Variants in FAM240B observed in about 807,000 individuals in gnomAD.
FAM240B encodes the protein protein FAM240B.
chr9:38,703,491 C>CTGCACTGCCT (rs1299012517), intron 2 of FAM240B, among the ~76,000 whole-genome samples: 1 of 152,222 alleles, frequency 6.6e-6, no homozygotes, highest in Non-Finnish European at 1.5e-5. Context: ...ATTATACACT[C>CTGCACTGCCT]TGCACTGCCT....
intron 2 of FAM240B, 83 bp from the exon 3 acceptor site, chr9:38,694,952 C>G: frequency 2.5e-6 from 1 of 398,030 alleles, no homozygotes; most frequent in Non-Finnish European, 4.4e-6. Flanking sequence ...TGTTTTTCTT[C>G]TCCAAGATAT....
intron 1 of FAM240B, among the ~76,000 whole-genome samples, chr9:38,719,480 T>C (rs1486950317): frequency 6.6e-6 from 1 of 152,210 alleles, no homozygotes; most frequent in Non-Finnish European, 1.5e-5. Flanking sequence ...GTGAGGCTCA[T>C]GCACTTGAGT....
intron 1 of FAM240B, among the ~76,000 whole-genome samples, chr9:38,711,734 G>A (rs1821258131): frequency 6.9e-6 from 1 of 144,048 alleles, no homozygotes; most frequent in Admixed American, 7.1e-5. Flanking sequence ...TCTGCTCACT[G>A]TAACCTCCGC....
chr9:38,712,470 T>C (rs1000677625), intron 1 of FAM240B, among the ~76,000 whole-genome samples: 2 of 152,236 alleles, frequency 1.3e-5, no homozygotes, highest in African/African-American at 4.8e-5. Context: ...TTGCAGACAG[T>C]ACCAAATGCC....
At chr9:38,709,724 A>C (rs1821230330) in intron 1 of FAM240B, among the ~76,000 whole-genome samples, 1 of 152,266 alleles carries the variant, frequency 6.6e-6, no homozygotes, top group Non-Finnish European at 1.5e-5. Context: ...ACATAAACCC[A>C]TTAGGTACCT....
At chr9:38,703,131 C>T (rs895651570) in intron 2 of FAM240B, among the ~76,000 whole-genome samples, 4 of 152,122 alleles carry the variant, frequency 2.6e-5, no homozygotes, top group African/African-American at 7.2e-5. Flanking sequence ...ATGTCAATAG[C>T]GCTGAGGTGG....
intron 1 of FAM240B, among the ~76,000 whole-genome samples, chr9:38,709,481 A>C (rs983775806): frequency 6.6e-6 from 1 of 152,208 alleles, no homozygotes; most frequent in Non-Finnish European, 1.5e-5. Flanking sequence ...AGGCACTAAC[A>C]GTGGCTCTCT....
At chr9:38,712,153 G>A (rs1359456796) in intron 1 of FAM240B, among the ~76,000 whole-genome samples, 1 of 152,098 alleles carries the variant, frequency 6.6e-6, no homozygotes, top group Non-Finnish European at 1.5e-5. Context: ...ACTAAAAAAG[G>A]ACTTACATAG....
intron 2 of FAM240B, among the ~76,000 whole-genome samples, chr9:38,698,224 CA>C (rs1294892279): frequency 6.6e-6 from 1 of 151,582 alleles, no homozygotes; most frequent in Non-Finnish European, 1.5e-5. Flanking sequence ...TTATAAATAG[CA>C]AAAAAAATTG....
chr9:38,702,906 T>C (rs926239139), intron 2 of FAM240B, among the ~76,000 whole-genome samples: 1 of 152,202 alleles, frequency 6.6e-6, no homozygotes, highest in African/African-American at 2.4e-5. Flanking sequence ...TATCAAGACA[T>C]AAATAACGTA....
At chr9:38,705,658 A>G (rs1821182931) in intron 1 of FAM240B, 1 of 151,884 alleles carries the variant, frequency 6.6e-6, no homozygotes, top group Non-Finnish European at 1.5e-5. Flanking sequence ...GATATGGAAT[A>G]ATTTGTATTT....
At chr9:38,716,641 T>G (rs1360709403) in intron 1 of FAM240B, among the ~76,000 whole-genome samples, 1 of 152,172 alleles carries the variant, frequency 6.6e-6, no homozygotes, top group Non-Finnish European at 1.5e-5. Context: ...TTAAAAGCTT[T>G]TAAAAAGGCA....
chr9:38,695,066 C>G (rs1188780484), intron 2 of FAM240B, among the ~76,000 whole-genome samples, 197 bp from the exon 3 acceptor site: 1 of 152,076 alleles, frequency 6.6e-6, no homozygotes, highest in African/African-American at 2.4e-5. Flanking sequence ...TTTTCTTTTC[C>G]TATGTTAAGG....
intron 1 of FAM240B, among the ~76,000 whole-genome samples, chr9:38,717,801 A>G (rs917766057): frequency 2.6e-5 from 4 of 152,138 alleles, no homozygotes; most frequent in Non-Finnish European, 5.9e-5. Context: ...AAAGTTTTAC[A>G]CTGTTAGCAA....
At chr9:38,716,697 C>T (rs1821307138) in intron 1 of FAM240B, among the ~76,000 whole-genome samples, 2 of 152,218 alleles carry the variant, frequency 1.3e-5, no homozygotes. Context: ...TTTCTCCCCT[C>T]TGCTTCACCA....
chr9:38,717,686 G>T (rs1821323779), intron 1 of FAM240B, among the ~76,000 whole-genome samples: 1 of 151,908 alleles, frequency 6.6e-6, no homozygotes, highest in East Asian at 2.0e-4. Flanking sequence ...GTTTCACCGT[G>T]TTAGCCAGGA....
intron 1 of FAM240B, among the ~76,000 whole-genome samples, chr9:38,713,200 C>T (rs1311624694): frequency 3.9e-5 from 6 of 152,004 alleles, no homozygotes; most frequent in East Asian, 3.9e-4. Context: ...AGATTTCGGC[C>T]GGGCGCAGTG....
intron 1 of FAM240B, among the ~76,000 whole-genome samples, chr9:38,706,740 C>T (rs7870788): frequency 0.28 from 42,119 of 152,074 alleles, 6,103 homozygotes; most frequent in Admixed American, 0.34. Context: ...CAGCCTGACC[C>T]GAGCACACGC....
At chr9:38,696,719 C>T (rs998315581) in intron 2 of FAM240B, among the ~76,000 whole-genome samples, 1 of 152,086 alleles carries the variant, frequency 6.6e-6, no homozygotes, top group African/African-American at 2.4e-5. Flanking sequence ...GAGGCTGAGG[C>T]AGGAGAATCG....
Sources: gnomAD v4.1 joint callset for allele counts (sites outside exome capture counted in the v4.1 genomes callset) on GRCh38, gnomAD v4.1.1 for gene constraint, MANE v1.5 for transcripts, NCBI Gene and HGNC (gene_info 2026-07-23, HGNC 2026-07-21) for gene names.